The following CXADR variants were observed in gnomAD, a reference collection of about 807,000 sequenced individuals.
CXADR encodes the protein coxsackievirus and adenovirus receptor.
CXADR carries 20 observed loss-of-function variants against 40.3 expected under a neutral mutation model. That is an observed-to-expected ratio of 0.50 (90% confidence interval 0.35 to 0.72). The LOEUF (loss-of-function observed/expected upper bound fraction) is 0.72, where lower values mean the gene tolerates loss of function less well. CXADR is among the 30% of genes least tolerant of loss of function. The probability of loss-of-function intolerance (pLI) is 0.01; values close to 1 mark genes in which losing one functional copy is unlikely to be tolerated. For synonymous variants in CXADR, 150 were observed against 161.3 expected (o/e 0.93, Z 0.53); for missense variants, 332 against 449.1 (o/e 0.74, Z 2.36).
chr21:17,558,961 TGTTTTC>T lies in CXADR; in HGVS notation c.416-14_416-9del. 6.3e-7 allele frequency: 1 copy of T among 1,598,198 alleles called. No individual in the cohort carries two copies. Among genetic ancestry groups the T allele is most frequent in the Non-Finnish European group, 8.5e-7 (1 of 1,172,966 alleles). On this transcript the variant is annotated splice_polypyrimidine_tract_variant and intron_variant, in intron 3 of 6. Transcript: ENST00000284878. The stretch of plus-strand genomic sequence containing the variant: ...CATTCTCTTATGTAAATTTATAATT[TGTTTTC>T]TCTTTCAGTTAAGCCTTCAGGTGCG...
chr21:17,631,077 T>G, the CXADR span, among the ~76,000 whole-genome samples: 1 of 152,214 alleles, frequency 6.6e-6, no homozygotes. Context: ...AAGATCAGTA[T>G]TATATTAAAA....
downstream of CXADR, chr21:17,598,558 C>G (rs541597689): frequency 6.9e-7 from 1 of 1,452,234 alleles, no homozygotes; most frequent in South Asian, 1.2e-5. Flanking sequence ...GTAGGACTAC[C>G]TGAAAGGTCC....
chr21:17,635,723 T>C, the CXADR span, among the ~76,000 whole-genome samples: 1 of 152,210 alleles, frequency 6.6e-6, no homozygotes, highest in Non-Finnish European at 1.5e-5. Flanking sequence ...ACACACAAAA[T>C]GTCCTCTAAC....
chr21:17,539,747 C>G (rs1290712591), intron 1 of CXADR, among the ~76,000 whole-genome samples: 1 of 152,086 alleles, frequency 6.6e-6, no homozygotes, highest in African/African-American at 2.4e-5. Flanking sequence ...CAGGCAGTTC[C>G]CTCGTGTCTT....
At chr21:17,542,541 A>G (rs1039574581) in intron 1 of CXADR, among the ~76,000 whole-genome samples, 2 of 152,166 alleles carry the variant, frequency 1.3e-5, no homozygotes, top group African/African-American at 4.8e-5. Flanking sequence ...TGATTTAGAA[A>G]CTGGAGATAA....
the CXADR span, among the ~76,000 whole-genome samples, chr21:17,605,411 G>C: frequency 6.6e-6 from 1 of 152,000 alleles, no homozygotes; most frequent in African/African-American, 2.4e-5. Context: ...AAATGCTTAC[G>C]ACAAATTCTG....
intron 7 of CXADR, among the ~76,000 whole-genome samples, chr21:17,588,912 G>A (rs73892618): frequency 2.0e-3 from 308 of 151,658 alleles, no homozygotes; most frequent in African/African-American, 7.0e-3. Flanking sequence ...TATAATATCA[G>A]GTCCATTTAA....
the CXADR span, among the ~76,000 whole-genome samples, chr21:17,624,279 C>T: frequency 7.2e-5 from 11 of 152,202 alleles, no homozygotes; most frequent in Non-Finnish European, 8.8e-5. Flanking sequence ...CCACAAATTG[C>T]CACACACTTA....
chr21:17,553,614 C>CTTTT (rs10710377), intron 3 of CXADR, among the ~76,000 whole-genome samples: 6 of 128,274 alleles, frequency 4.7e-5, no homozygotes, highest in Non-Finnish European at 6.8e-5. Flanking sequence ...GGTCCGAATT[C>CTTTT]TTTTTTTTTT....
At chr21:17,618,130 A>G in the CXADR span, among the ~76,000 whole-genome samples, 1 of 152,170 alleles carries the variant, frequency 6.6e-6, no homozygotes, top group Non-Finnish European at 1.5e-5. Context: ...GCTTGAGTCC[A>G]AGGAGTTAAA....
chr21:17,545,529 C>T (rs990139683), intron 1 of CXADR, among the ~76,000 whole-genome samples: 5 of 152,010 alleles, frequency 3.3e-5, no homozygotes, highest in South Asian at 2.1e-4. Flanking sequence ...CAAGTTCAAG[C>T]GATCCTCCTG....
chr21:17,633,972 T>C, the CXADR span, among the ~76,000 whole-genome samples: 1 of 152,216 alleles, frequency 6.6e-6, no homozygotes, highest in African/African-American at 2.4e-5. Context: ...TGTTTATAGA[T>C]TCGAATTCTC....
At chr21:17,530,531 A>G in intron 1 of CXADR, 1 of 419,138 alleles carries the variant, frequency 2.4e-6, no homozygotes, top group East Asian at 8.0e-5. Context: ...ACTACTGTGA[A>G]GGCCGGGCGT....
At chr21:17,612,683 G>A in the CXADR span, 1 of 152,722 alleles carries the variant, frequency 6.5e-6, no homozygotes, top group Non-Finnish European at 1.5e-5. Context: ...GCCTTTCCCC[G>A]GCCCGGTCTC....
rs147411471 is a variant in CXADR at position 17,586,707 on chromosome 21, A to G, written c.1018-6445A>G. On this transcript the variant is annotated intron_variant, in intron 7 of 7. Transcript: ENST00000400169. ...TTTAAAAATGGATAGCCAAATACCT[A>G]TTAATTTTTGTTTTGTTTTAGTTTT... is the stretch of plus-strand genomic sequence containing the variant. Among the ~76,000 whole-genome samples, 39 of 152,050 alleles carry G rather than the reference A, an allele frequency of 2.6e-4. No homozygotes were observed. In the East Asian group the frequency reaches 6.7e-3, roughly 26 times the overall value.
downstream of CXADR, among the ~76,000 whole-genome samples, chr21:17,596,202 T>C (rs1250290175): frequency 6.6e-6 from 1 of 152,030 alleles, no homozygotes; most frequent in East Asian, 1.9e-4. Flanking sequence ...CCTTTACAGA[T>C]ATATGTAATG....
At chr21:17,561,268 A>G (rs1601022543) in intron 5 of CXADR, 70 bp from the exon 6 acceptor site, 7 of 891,748 alleles carry the variant, frequency 7.8e-6, no homozygotes, top group South Asian at 2.5e-5. Flanking sequence ...CTAAAAATGT[A>G]TAGCCTACCT....
intron 7 of CXADR, among the ~76,000 whole-genome samples, chr21:17,586,428 T>C (rs2061397156): frequency 6.8e-6 from 1 of 148,070 alleles, no homozygotes; most frequent in African/African-American, 2.5e-5. Context: ...ATATATTATA[T>C]ATGTATAATC....
chr21:17,598,093 T>A (rs1018407330), downstream of CXADR, among the ~76,000 whole-genome samples: 3 of 152,166 alleles, frequency 2.0e-5, no homozygotes, highest in Non-Finnish European at 4.4e-5. Flanking sequence ...TATGTAGATA[T>A]AAATAGTAAA....
Sources: gnomAD v4.1 joint callset for allele counts (sites outside exome capture counted in the v4.1 genomes callset) on GRCh38, gnomAD v4.1.1 for gene constraint, MANE v1.5 for transcripts, NCBI Gene and HGNC (gene_info 2026-07-23, HGNC 2026-07-21) for gene names.